C1QTNF12: variants seen among roughly 807,000 people sequenced by gnomAD.
The protein encoded by C1QTNF12 is C1q and TNF related 12.
In C1QTNF12, 39 loss-of-function variants were observed where a neutral mutation model predicts 34.3. That is an observed-to-expected ratio of 1.14 (90% confidence interval 0.88 to 1.49). The LOEUF is 1.49. C1QTNF12 is among the 40% of genes most tolerant of loss of function. The pLI is 0.00. For synonymous variants in C1QTNF12, 220 were observed against 196.9 expected (o/e 1.12, Z -0.98); for missense variants, 497 against 424.7 (o/e 1.17, Z -1.50).
rs1638882855 is a variant in C1QTNF12, at chr1:1,245,998, CT to C, written c.177+515del. ...TTCTGTCTTTGTGAGGACGCCCGGCCTGACTGGGGCCCCAGGACTTAACCCG... is the reference window on the plus strand; with the variant it reads ...TTCTGTCTTTGTGAGGACGCCCGGCCGACTGGGGCCCCAGGACTTAACCCG... On this transcript the variant is annotated intron_variant, in intron 1 of 7. Coordinates refer to ENST00000330388, the MANE Select transcript of C1QTNF12 (RefSeq NM_001014980.3). Among the ~76,000 whole-genome samples the C allele has an allele frequency of 5.9e-5, 9 of 152,226 alleles. No individual in the cohort carries two copies. The South Asian group carries it at 1.9e-3, about 32-fold the overall frequency.
Position 1,242,590 on chromosome 1 carries a change from G to T in C1QTNF12, c.867C>A (p.Ile289=), listed in dbSNP as rs1350251201. ...VDNGSGAVLT[I]QAGSSFSGLL... ...GCCCGGAGAAGCTGGAGCCCGCCTG[G>T]ATGGTGAGGACGGCCCCGGAGCCAT... The change falls in exon 8 of 8, where the codon ATC becomes ATA. Residue 289 remains isoleucine (I), a synonymous_variant. Coordinates refer to ENST00000330388, the MANE Select transcript of C1QTNF12 (RefSeq NM_001014980.3). 2 of 1,591,826 alleles carry T rather than the reference G, an allele frequency of 1.3e-6. No individual in the cohort carries two copies. The highest frequency in any genetic ancestry group is 1.7e-6 in the Non-Finnish European group (2 of 1,169,626).
In C1QTNF12 at chr1:1,243,101, C is replaced by G. The variant is rs753413493; in HGVS notation, c.692G>C (p.Cys231Ser). 4 of 1,590,150 alleles carry G rather than the reference C, an allele frequency of 2.5e-6. No homozygotes were observed. In the African/African-American group the frequency reaches 5.4e-5, roughly 21 times the overall value. Reference sequence around the variant, plus strand: ...CAGGGACTCAATACAGATGAGAACACACACCACGTCCCGGGCCCGCAGCCG... The same window carrying G: ...CAGGGACTCAATACAGATGAGAACAGACACCACGTCCCGGGCCCGCAGCCG... ...KARLRARDVV[C>S]VLICIESLCQ... is the part of the protein sequence containing the mutation. Residue 231 changes from cysteine (C) to serine (S), a missense_variant, in exon 6 of 8, where the codon TGT becomes TCT. Physicochemically the swap from Cys to Ser is moderately radical, Grantham distance 112 (BLOSUM62 -1). Transcript: ENST00000330388.
At chr1:1,244,670 G>A (rs985524180) in intron 1 of C1QTNF12, 173 bp from the exon 2 acceptor site, 4 of 607,578 alleles carry the variant, frequency 6.6e-6, no homozygotes, top group Non-Finnish European at 1.2e-5. Context: ...GCCACCAGCA[G>A]GGCAGGCATG....
intron 1 of C1QTNF12, among the ~76,000 whole-genome samples, chr1:1,245,504 G>GC (rs1216312249): frequency 6.6e-6 from 1 of 151,320 alleles, no homozygotes; most frequent in African/African-American, 2.4e-5. Flanking sequence ...GGCACCCTTT[G>GC]AGGGAGGCCC....
At chr1:1,246,741 G>T, upstream of C1QTNF12, 1 of 1,200,952 alleles carries the variant, frequency 8.3e-7, no homozygotes, top group Non-Finnish European at 1.0e-6. The surrounding 1 kb of genome is among the most constrained non-coding windows in gnomAD (Gnocchi z 4.5). Flanking sequence ...CCAGGGCGCA[G>T]TCATGGGGAC....
Position 1,244,173 on chromosome 1 carries a change from C to T in C1QTNF12, c.379+18G>A. Reference sequence around the variant, plus strand: ...GGCCCAGGCACGTCTGGTCTCTGGGCAGTGCAGGGCGGCTGACCTTTCAGC... The same window carrying T: ...GGCCCAGGCACGTCTGGTCTCTGGGTAGTGCAGGGCGGCTGACCTTTCAGC... On this transcript the variant is annotated intron_variant, in intron 3 of 7. Transcript: ENST00000330388. The T allele has an allele frequency of 1.3e-6, 2 of 1,566,542 alleles. No individual in the cohort carries two copies. Among genetic ancestry groups the T allele is most frequent in the African/African-American group, 1.4e-5 (1 of 73,624 alleles).
At chr1:1,244,880 C>T (rs1357739507) in intron 1 of C1QTNF12, among the ~76,000 whole-genome samples, 1 of 50,392 alleles carries the variant, frequency 2.0e-5, no homozygotes, top group African/African-American at 9.3e-5. Flanking sequence ...CCACTCATCT[C>T]CCTCCTCTCC....
chr1:1,243,156 CG>C lies in C1QTNF12; in HGVS notation c.641-5del. 3 of 1,299,876 alleles carry C rather than the reference CG, an allele frequency of 2.3e-6. No individual in the cohort carries two copies. The highest frequency in any genetic ancestry group is 3.0e-6 in the Non-Finnish European group (3 of 993,104). 80.5% of individuals were successfully genotyped at this position (1,299,876 alleles called of 1,614,324 possible). On this transcript the variant is annotated splice_polypyrimidine_tract_variant and splice_region_variant and intron_variant, in intron 5 of 7. Transcript: ENST00000330388. The stretch of plus-strand genomic sequence containing the variant: ...TTGCCCTGCAGCTCACTGTGGTCTG[CG>C]GAGAGAGCCCTGGGGAGGGTGGTGC...
intron 1 of C1QTNF12, chr1:1,244,776 T>G: frequency 4.9e-6 from 1 of 204,042 alleles, no homozygotes; most frequent in Non-Finnish European, 8.3e-6. Context: ...ATCCCACTCC[T>G]TCCCCCACTC....
At chr1:1,244,155 G>A (rs1381220044) in intron 3 of C1QTNF12, 36 bp downstream of exon 3, 32 of 1,560,152 alleles carry the variant, frequency 2.1e-5, no homozygotes, top group Non-Finnish European at 2.7e-5. Context: ...CAGGGCCCAG[G>A]CACGTCTGGT....
Position 1,243,125 on chromosome 1 carries a change from C to A in C1QTNF12, c.668G>T (p.Arg223Leu). 1 of 1,442,402 alleles carries A rather than the reference C, an allele frequency of 6.9e-7. No individual in the cohort carries two copies. Among genetic ancestry groups the A allele is most frequent in the Non-Finnish European group, 9.3e-7 (1 of 1,077,068 alleles). The allele number at this position is 1,442,402 out of a possible 1,614,324, so 89.4% of individuals were successfully genotyped here. ...ACACACCACGTCCCGGGCCCGCAGCCGGGCCTTGCCCTGCAGCTCACTGTG... is the reference window on the plus strand; with the variant it reads ...ACACACCACGTCCCGGGCCCGCAGCAGGGCCTTGCCCTGCAGCTCACTGTG... ...VDHSELQGKA[R>L]LRARDVVCVL... Residue 223 changes from arginine to leucine, a missense_variant, in exon 6 of 8, where the codon CGG (arginine) becomes CTG (leucine). Transcript: ENST00000330388.
intron 1 of C1QTNF12, 76 bp from the exon 2 acceptor site, chr1:1,244,573 A>G: frequency 2.6e-6 from 3 of 1,150,526 alleles, no homozygotes; most frequent in Non-Finnish European, 3.9e-6. Context: ...AGCGGGGAGC[A>G]CTCAGGGCAG....
chr1:1,246,824 G>T, upstream of C1QTNF12: 2 of 605,054 alleles, frequency 3.3e-6, no homozygotes, highest in Non-Finnish European at 2.3e-6. The surrounding 1 kb of genome is among the most constrained non-coding windows in gnomAD (Gnocchi z 4.5). Context: ...GCATGTCTGC[G>T]CGGACCTGCC....
intron 4 of C1QTNF12, 53 bp from the exon 5 acceptor site, chr1:1,243,605 A>G (rs1224081368): frequency 3.5e-6 from 5 of 1,432,368 alleles, no homozygotes; most frequent in Non-Finnish European, 4.8e-6. Flanking sequence ...CCCACCCCAC[A>G]GACCCCGCCT....
At position 1,243,569 on chromosome 1, in the gene C1QTNF12, G is replaced by A. The variant is rs1433808977; in HGVS notation, c.532-17C>T. On this transcript the variant is annotated splice_polypyrimidine_tract_variant and intron_variant, in intron 4 of 7. Transcript: ENST00000330388. ...GGCAGCAGGCTGTGAGGGGCAGTGG[G>A]TGAGCGGCCAGCGCAGGGCCTGGCC... The A allele has an allele frequency of 6.5e-7, 1 of 1,544,254 alleles. No individual in the cohort carries two copies. Among genetic ancestry groups the A allele is most frequent in the Non-Finnish European group, 8.8e-7 (1 of 1,141,964 alleles).
Position 1,243,045 on chromosome 1 carries a change from G to C in C1QTNF12, c.731+17C>G, listed in dbSNP as rs1638780173. 6.4e-7 allele frequency: 1 copy of C among 1,569,828 alleles called. No individual in the cohort carries two copies. The highest frequency in any genetic ancestry group is 8.6e-7 in the Non-Finnish European group (1 of 1,157,864). ...GTCCGGGGGCTGCCGCCTGGAGCGG[G>C]GGCTGAGGTCACTCACGTGTGGCGC... On this transcript the variant is annotated intron_variant, in intron 6 of 7. Coordinates refer to ENST00000330388, the MANE Select transcript of C1QTNF12 (RefSeq NM_001014980.3).
rs374646388 is a variant in C1QTNF12 at position 1,242,821 on chromosome 1, C to G, written c.810+14G>C. The G allele has an allele frequency of 6.2e-6, 10 of 1,611,700 alleles. No individual in the cohort carries two copies. The highest frequency in any genetic ancestry group is 4.2e-6 in the Non-Finnish European group (5 of 1,179,438). On this transcript the variant is annotated intron_variant, in intron 7 of 7. Coordinates refer to ENST00000330388, the MANE Select transcript of C1QTNF12 (RefSeq NM_001014980.3). ...GCACCCGAGCCCTCCCGCTCACACC[C>G]GGCCCGGACTCACCTGCAGCTGCAG...
At chr1:1,243,400 C>T (rs1182552831) in intron 5 of C1QTNF12, 44 bp downstream of exon 5, 2 of 1,517,956 alleles carry the variant, frequency 1.3e-6, no homozygotes, top group East Asian at 2.5e-5. Context: ...GAAAGCTCAG[C>T]CCCAGCCCCG....
upstream of C1QTNF12, chr1:1,246,816 A>G: frequency 1.5e-6 from 1 of 664,936 alleles, no homozygotes; most frequent in Non-Finnish European, 2.0e-6. The surrounding 1 kb of genome is among the most constrained non-coding windows in gnomAD (Gnocchi z 4.5). Flanking sequence ...CCGCCGCTGC[A>G]TGTCTGCGCG....
Sources: gnomAD v4.1 joint callset for allele counts (sites outside exome capture counted in the v4.1 genomes callset) on GRCh38, gnomAD v4.1.1 for gene constraint, Gnocchi (gnomAD v3.1) non-coding constraint, MANE v1.5 for transcripts, NCBI Gene and HGNC (gene_info 2026-07-23, HGNC 2026-07-21) for gene names.